SCAP: variants seen among roughly 807,000 people sequenced by gnomAD.
SCAP encodes the protein sterol regulatory element-binding protein cleavage-activating protein.
In SCAP, 65 loss-of-function variants were observed where a neutral mutation model predicts 123.6. The ratio of observed to expected loss-of-function variants is 0.53; its 90% CI spans 0.43 to 0.65. The LOEUF is 0.65. Among genes scored for constraint, SCAP ranks in the 30% least tolerant of loss-of-function variants. The pLI, the probability that SCAP is intolerant of heterozygous loss-of-function variation, is 0.00. For synonymous variants in SCAP, 740 were observed against 726.3 expected, an observed-to-expected ratio of 1.02 and a Z score of -0.30; for missense variants, 1,398 against 1,712.5, an observed-to-expected ratio of 0.82 and a Z score of 3.24.
At position 47,468,145 on chromosome 3, in the gene SCAP, G is replaced by A. The variant is rs576548407; in HGVS notation, c.-99+7654C>T. Among the ~76,000 whole-genome samples the A allele has an allele frequency of 1.2e-4, 18 of 152,240 alleles. 1 individual carries two copies. In the South Asian group the frequency reaches 3.3e-3, roughly 28 times the overall value. The stretch of plus-strand genomic sequence containing the variant: ...TGATGGACATTTGGGTTGGTTCCAA[G>A]TCTTTGCTATTGTGAATAGTGCCGT... On this transcript the variant is annotated intron_variant, in intron 1 of 22. Transcript: ENST00000265565.
At chr3:47,437,295 CG>C (rs1576281933) in intron 2 of SCAP, among the ~76,000 whole-genome samples, 1 of 151,660 alleles carries the variant, frequency 6.6e-6, no homozygotes, top group East Asian at 1.9e-4. Context: ...CAAAATTAGC[CG>C]GGCGTGGTGG....
intron 1 of SCAP, among the ~76,000 whole-genome samples, chr3:47,470,524 C>G (rs2108029947): frequency 6.6e-6 from 1 of 152,298 alleles, no homozygotes. Context: ...GCTCCTCAGG[C>G]AGAAAGCTAA....
intron 1 of SCAP, among the ~76,000 whole-genome samples, chr3:47,471,994 G>C (rs1344248216): frequency 6.6e-6 from 1 of 151,612 alleles, no homozygotes; most frequent in Non-Finnish European, 1.5e-5. Context: ...TACAAAATTA[G>C]CCAGGTGTGG....
Position 47,418,159 on chromosome 3 carries a change from A to C in SCAP, c.2422T>G (p.Cys808Gly). ...VCVWDAQTGD[C>G]LTRIPRPGRQ... ...CCTGGGCGCGGAATGCGCGTTAGGC[A>C]ATCCCCGGTCTGCGCGTCCCACACG... Residue 808 changes from cysteine (C) to glycine (G), a missense_variant, in exon 16 of 23, where the codon TGC becomes GGC. By Grantham distance (159) the Cys-to-Gly change is radical. Coordinates refer to ENST00000265565, the MANE Select transcript of SCAP (RefSeq NM_012235.4). 1.3e-6 allele frequency: 2 copies of C among 1,570,142 alleles called. No individual in the cohort carries two copies.
chr3:47,444,188 T>G (rs971493497), intron 1 of SCAP, among the ~76,000 whole-genome samples: 8 of 152,222 alleles, frequency 5.3e-5, no homozygotes, highest in African/African-American at 7.2e-5. Context: ...TCTTCCCTAC[T>G]GAGCCCTCTG....
Position 47,413,808 on chromosome 3 carries a change from C to T in SCAP, c.*46G>A. 1 of 1,593,182 alleles carries T rather than the reference C, an allele frequency of 6.3e-7. No individual in the cohort carries two copies. The highest frequency in any genetic ancestry group is 8.6e-7 in the Non-Finnish European group (1 of 1,168,328). On this transcript the variant is annotated 3_prime_UTR_variant, in exon 23 of 23. Coordinates refer to ENST00000265565, the MANE Select transcript of SCAP (RefSeq NM_012235.4). ...CAAGTCCAGGTTCAGTGCATTGGCCCCCACACAGCACCCCAGCCTCCTGCC... is the reference window on the plus strand; with the variant it reads ...CAAGTCCAGGTTCAGTGCATTGGCCTCCACACAGCACCCCAGCCTCCTGCC...
intron 1 of SCAP, among the ~76,000 whole-genome samples, chr3:47,458,143 C>A (rs1384632709): frequency 6.6e-6 from 1 of 151,718 alleles, no homozygotes; most frequent in Non-Finnish European, 1.5e-5. Flanking sequence ...CAAAAATTAG[C>A]AGGGCGTGGC....
chr3:47,453,698 G>A (rs1707304218), intron 1 of SCAP, among the ~76,000 whole-genome samples: 1 of 152,168 alleles, frequency 6.6e-6, no homozygotes, highest in Non-Finnish European at 1.5e-5. Context: ...GTCCAGAGGT[G>A]TAATACGCCC....
rs534479396 is a variant in SCAP at position 47,428,993 on chromosome 3, C to A, written c.253-323G>T. Reference sequence around the variant, plus strand: ...TGCCATGTTTCATACTAACTCCCCCCGGAATTTGCACATGGGACCTGTGAG... The same window carrying A: ...TGCCATGTTTCATACTAACTCCCCCAGGAATTTGCACATGGGACCTGTGAG... On this transcript the variant is annotated intron_variant, in intron 3 of 22. Coordinates refer to ENST00000265565, the MANE Select transcript of SCAP (RefSeq NM_012235.4). The A allele has an allele frequency of 2.3e-4, 60 of 263,770 alleles. 2 individuals carry two copies. In the Admixed American group the frequency reaches 2.9e-3, roughly 13 times the overall value. 16.3% of individuals were successfully genotyped at this position (263,770 alleles called of 1,614,324 possible).
intron 4 of SCAP, 137 bp downstream of exon 4, chr3:47,428,376 G>A (rs1460690887): frequency 3.2e-6 from 3 of 935,434 alleles, no homozygotes; most frequent in Non-Finnish European, 4.9e-6. Context: ...GAAATTCAAG[G>A]CTAGCTCACC....
At chr3:47,464,344 TCAC>T (rs1227309892) in intron 1 of SCAP, among the ~76,000 whole-genome samples, 1 of 151,690 alleles carries the variant, frequency 6.6e-6, no homozygotes, top group African/African-American at 2.4e-5. Flanking sequence ...GATGAGGGTC[TCAC>T]TATGTTGCCC....
chr3:47,466,797 A>G (rs1200911339), intron 1 of SCAP, among the ~76,000 whole-genome samples: 1 of 152,160 alleles, frequency 6.6e-6, no homozygotes, highest in Non-Finnish European at 1.5e-5. Flanking sequence ...AAAATTAAAA[A>G]CTTTTGGCCG....
chr3:47,459,817 G>C (rs548817178), intron 1 of SCAP, among the ~76,000 whole-genome samples: 10 of 152,108 alleles, frequency 6.6e-5, no homozygotes, highest in African/African-American at 2.4e-4. Context: ...GCAGAGAACC[G>C]GTCTGACCTC....
chr3:47,454,597 C>T (rs977908148), intron 1 of SCAP, among the ~76,000 whole-genome samples: 8 of 151,842 alleles, frequency 5.3e-5, no homozygotes, highest in Admixed American at 2.0e-4. Flanking sequence ...GGCATGGTGG[C>T]GGGCACCTGT....
Position 47,420,613 on chromosome 3 carries a change from T to C in SCAP, c.1504A>G (p.Lys502Glu), listed in dbSNP as rs779430670. The stretch of plus-strand genomic sequence containing the variant: ...AGGAAGTAGACAACACGCAGCCTCT[T>C]GGGGAGCCGCAGGTTTCGGAAGGAA... ...PSSFRNLRLPKRLRVVYFLAR... is the reference protein window; with the variant it reads ...PSSFRNLRLPERLRVVYFLAR... The change falls in exon 12 of 23, where the codon AAG (lysine) becomes GAG (glutamate). Residue 502 changes from lysine (K) to glutamate (E), a missense_variant. Physicochemically the swap from Lys to Glu is moderately conservative, Grantham distance 56. Transcript: ENST00000265565. The surrounding 1 kb of genome is among the most constrained non-coding windows in gnomAD (Gnocchi z 5.0). 1 of 1,611,824 alleles carries C rather than the reference T, an allele frequency of 6.2e-7. No individual in the cohort carries two copies. The highest frequency in any genetic ancestry group is 8.5e-7 in the Non-Finnish European group (1 of 1,179,792).
rs1441718650 is a variant in SCAP at position 47,415,209 on chromosome 3, C to T, written c.3057-29G>A. 3 of 1,588,222 alleles carry T rather than the reference C, an allele frequency of 1.9e-6. No individual in the cohort carries two copies. The South Asian group carries it at 3.4e-5, about 18-fold the overall frequency. On this transcript the variant is annotated intron_variant, in intron 18 of 22. Transcript: ENST00000265565. ...GAAGAGAAGAACAGCTGCCAGGGGC[C>T]TCTCCCTTAGAGCCCCAGCCCTGGG...
chr3:47,417,058 CAAGA>C lies in SCAP; in HGVS notation c.3056+60_3056+63del. 41 of 1,450,140 alleles carry C rather than the reference CAAGA, an allele frequency of 2.8e-5. 1 individual carries two copies. The South Asian group carries it at 4.7e-4, about 17-fold the overall frequency. 89.8% of individuals were successfully genotyped at this position (1,450,140 alleles called of 1,614,324 possible). A position where few individuals can be genotyped will look rare whatever the true frequency, so the allele number is the denominator to read the frequency against. On this transcript the variant is annotated intron_variant, in intron 18 of 22. Transcript: ENST00000265565. Reference sequence around the variant, plus strand: ...TTGAAGAGAACCAGAACTCAAGACTCAAGAGAGTATGGCCTAGCCAACAAAGGCT... The same window carrying C: ...TTGAAGAGAACCAGAACTCAAGACTCGAGTATGGCCTAGCCAACAAAGGCT...
chr3:47,418,238 G>A lies in SCAP; in HGVS notation c.2343C>T (p.Cys781=), dbSNP rs1254136907. The A allele has an allele frequency of 6.4e-7, 1 of 1,566,928 alleles. No homozygotes were observed. Among genetic ancestry groups the A allele is most frequent in the South Asian group, 1.2e-5 (1 of 85,400 alleles). Residue 781 remains cysteine (C), a synonymous_variant, in exon 16 of 23, where the codon TGC becomes TGT. Coordinates refer to ENST00000265565, the MANE Select transcript of SCAP (RefSeq NM_012235.4). ...CCAGCAGCATGCCGTCGCTGGCCAG[G>A]CACTCGATGTCCTGCAGAAGCCCGG... ...VLRGHLMDIE[C]LASDGMLLVS...
intron 1 of SCAP, among the ~76,000 whole-genome samples, chr3:47,472,898 G>A (rs1406682554): frequency 2.0e-5 from 3 of 151,772 alleles, no homozygotes; most frequent in African/African-American, 7.3e-5. Context: ...CTGACCAATA[G>A]GGAGAAACCT....
Sources: allele counts gnomAD v4.1 joint callset (sites outside exome capture counted in the v4.1 genomes callset), GRCh38; gene constraint gnomAD v4.1.1; non-coding constraint Gnocchi (gnomAD v3.1); transcripts MANE v1.5; gene names NCBI Gene and HGNC (gene_info 2026-07-23, HGNC 2026-07-21).